Variants in FASTKD1 observed in about 807,000 individuals in gnomAD.
FASTKD1 encodes the protein FAST kinase domains 1.
A neutral mutation model predicts 90.9 loss-of-function variants in FASTKD1; 94 were observed. The ratio of observed to expected loss-of-function variants is 1.03; its 90% CI spans 0.88 to 1.23. The LOEUF is 1.23. Ranked by LOEUF, FASTKD1 falls within the 50% of genes most tolerant of loss-of-function variation. FASTKD1 has a pLI of 0.00. For missense variants in FASTKD1, 945 were observed against 993.5 expected, an observed-to-expected ratio of 0.95 and a Z score of 0.66; for synonymous variants, 319 against 345.8, an observed-to-expected ratio of 0.92 and a Z score of 0.86.
At position 169,537,284 on chromosome 2, in the gene FASTKD1, G is replaced by A. The variant is rs748942515; in HGVS notation, c.2131C>T (p.Leu711=). 1 of 1,613,260 alleles carries A rather than the reference G, an allele frequency of 6.2e-7. No homozygotes were observed. Among genetic ancestry groups the A allele is most frequent in the East Asian group, 2.2e-5 (1 of 44,832 alleles). The change falls in exon 12 of 15, where the codon CTA becomes TTA. Residue 711 remains leucine (L), a synonymous_variant. Transcript: ENST00000453153. ...QQIFKMLAEV[L]GGINCVKASV... is the part of the protein sequence containing the mutation. ...GCTTTTACACAATTGATTCCTCCTA[G>A]TACCTCTGCTAACATTTTAAAAATC... is the stretch of plus-strand genomic sequence containing the variant.
At chr2:169,542,953 T>G (rs1373150727) in intron 9 of FASTKD1, among the ~76,000 whole-genome samples, 2 of 152,190 alleles carry the variant, frequency 1.3e-5, no homozygotes, top group African/African-American at 4.8e-5. Context: ...TACAAGTTAT[T>G]TTTGCTGCAA....
intron 14 of FASTKD1, 44 bp downstream of exon 14, chr2:169,530,543 G>T: frequency 1.8e-6 from 2 of 1,090,484 alleles, no homozygotes; most frequent in East Asian, 2.4e-5. Context: ...TACAGCTAGT[G>T]TCTCTGGGCT....
chr2:169,557,486 G>C (rs1342229982), intron 5 of FASTKD1, among the ~76,000 whole-genome samples, 189 bp from the exon 6 acceptor site: 1 of 152,000 alleles, frequency 6.6e-6, no homozygotes, highest in African/African-American at 2.4e-5. Context: ...AAAATATATT[G>C]TCTTCTTCAA....
intron 4 of FASTKD1, among the ~76,000 whole-genome samples, chr2:169,562,526 C>T (rs1012641100): frequency 6.6e-6 from 1 of 152,048 alleles, no homozygotes; most frequent in African/African-American, 2.4e-5. Flanking sequence ...ATCCACCATG[C>T]CTGGCCAATG....
chr2:169,549,562 T>G (rs1046021829), intron 7 of FASTKD1, among the ~76,000 whole-genome samples: 22 of 152,238 alleles, frequency 1.4e-4, no homozygotes, highest in African/African-American at 5.1e-4. Context: ...CCTCCTGGGC[T>G]CAAGTACTCC....
intron 7 of FASTKD1, among the ~76,000 whole-genome samples, chr2:169,549,638 G>GT (rs941341555): frequency 7.9e-5 from 12 of 151,628 alleles, no homozygotes; most frequent in African/African-American, 2.9e-4. Context: ...CTAATTTTTT[G>GT]TTTTTTGTTG....
In FASTKD1 at chr2:169,537,284, G is replaced by C. The variant is rs748942515; in HGVS notation, c.2131C>G (p.Leu711Val). Residue 711 changes from leucine (L) to valine (V), a missense_variant, in exon 12 of 15, where the codon CTA becomes GTA. Physicochemically the swap from Leu to Val is conservative, Grantham distance 32. Transcript: ENST00000453153. Reference sequence around the variant, plus strand: ...GCTTTTACACAATTGATTCCTCCTAGTACCTCTGCTAACATTTTAAAAATC... The same window carrying C: ...GCTTTTACACAATTGATTCCTCCTACTACCTCTGCTAACATTTTAAAAATC... ...QQIFKMLAEV[L>V]GGINCVKASV... 1 of 1,613,260 alleles carries C rather than the reference G, an allele frequency of 6.2e-7. No individual in the cohort carries two copies. Among genetic ancestry groups the C allele is most frequent in the South Asian group, 1.1e-5 (1 of 91,038 alleles).
At chr2:169,543,307 T>C (rs1574377472) in intron 9 of FASTKD1, among the ~76,000 whole-genome samples, 2 of 151,900 alleles carry the variant, frequency 1.3e-5, no homozygotes, top group Admixed American at 1.3e-4. Context: ...CTACTAAAAA[T>C]ACAAAATTAG....
intron 12 of FASTKD1, 120 bp from the exon 13 acceptor site, chr2:169,531,610 T>C: frequency 1.3e-6 from 1 of 746,584 alleles, no homozygotes. Context: ...CACAAAAGAA[T>C]GACGAACCTC....
intron 7 of FASTKD1, among the ~76,000 whole-genome samples, chr2:169,547,566 A>T (rs908012898): frequency 6.6e-6 from 1 of 152,168 alleles, no homozygotes; most frequent in African/African-American, 2.4e-5. Flanking sequence ...CAATATATAT[A>T]ACATCACAGG....
intron 7 of FASTKD1, among the ~76,000 whole-genome samples, chr2:169,553,656 G>A (rs925142962): frequency 3.3e-5 from 5 of 152,104 alleles, no homozygotes; most frequent in African/African-American, 4.8e-5. Flanking sequence ...AGTGGCTCAC[G>A]CCTGTAATCC....
At position 169,532,842 on chromosome 2, in the gene FASTKD1, A is replaced by C. The variant is rs145492841; in HGVS notation, c.2189-1352T>G. ...AAGCAAAGGTATAGGGGTGCAGTGC[A>C]TGAGACGTATGAGGAATAGGTTCCA... is the stretch of plus-strand genomic sequence containing the variant. On this transcript the variant is annotated intron_variant, in intron 12 of 14. Transcript: ENST00000453153. Among the ~76,000 whole-genome samples, 515 of 152,326 alleles carry C rather than the reference A, an allele frequency of 3.4e-3. 3 individuals carry two copies. The highest frequency in any genetic ancestry group is 0.012 in the African/African-American group (497 of 41,570).
intron 9 of FASTKD1, among the ~76,000 whole-genome samples, chr2:169,540,836 A>AGAGTG (rs1337792975): frequency 6.6e-6 from 1 of 152,210 alleles, no homozygotes; most frequent in Admixed American, 6.5e-5. Context: ...ATCTCCAAGC[A>AGAGTG]GAGTGTACAC....
intron 4 of FASTKD1, among the ~76,000 whole-genome samples, chr2:169,562,195 G>GTTGT (rs2105421144): frequency 6.8e-6 from 1 of 147,728 alleles, no homozygotes; most frequent in Non-Finnish European, 1.5e-5. Context: ...GGATTTTGTT[G>GTTGT]TTGTTGTTTC....
intron 2 of FASTKD1, among the ~76,000 whole-genome samples, chr2:169,570,839 C>A (rs1684202115): frequency 1.3e-5 from 2 of 152,054 alleles, no homozygotes; most frequent in South Asian, 4.1e-4. Flanking sequence ...TCACGCCCAG[C>A]TAATTTTTGT....
intron 6 of FASTKD1, among the ~76,000 whole-genome samples, chr2:169,556,023 A>G (rs941315058): frequency 1.3e-5 from 2 of 152,174 alleles, no homozygotes; most frequent in Admixed American, 1.3e-4. Flanking sequence ...AAAAATTTTA[A>G]AACTAAGAAA....
rs535424286 is a variant in FASTKD1 at position 169,531,018 on chromosome 2, A to T, written c.2328-317T>A. 7.4e-5 allele frequency: 49 copies of T among 663,886 alleles called. No individual in the cohort carries two copies. The East Asian group carries it at 1.1e-3, about 14-fold the overall frequency. 41.1% of individuals were successfully genotyped at this position (663,886 alleles called of 1,614,324 possible). A position where few individuals can be genotyped will look rare whatever the true frequency, so the allele number is the denominator to read the frequency against. The stretch of plus-strand genomic sequence containing the variant: ...CAGCTTATAGTCTAACAGAGAACAC[A>T]TGATGTATAGTAAGTTACTGTAATG... On this transcript the variant is annotated intron_variant, in intron 13 of 14. Coordinates refer to ENST00000453153, the MANE Select transcript of FASTKD1 (RefSeq NM_024622.6).
chr2:169,557,092 C>T (rs780168555), intron 6 of FASTKD1, 95 bp downstream of exon 6: 21 of 772,088 alleles, frequency 2.7e-5, no homozygotes, highest in Non-Finnish European at 4.6e-5. Flanking sequence ...TTCAAAACAA[C>T]TGGTAGATTA....
intron 6 of FASTKD1, 47 bp from the exon 7 acceptor site, chr2:169,555,302 C>T (rs1277188053): frequency 6.6e-7 from 1 of 1,517,200 alleles, no homozygotes; most frequent in South Asian, 1.2e-5. Flanking sequence ...TCATTTATTA[C>T]ACATTTACTA....
Sources: gnomAD v4.1 joint callset for allele counts (sites outside exome capture counted in the v4.1 genomes callset) on GRCh38, gnomAD v4.1.1 for gene constraint, MANE v1.5 for transcripts, NCBI Gene and HGNC (gene_info 2026-07-23, HGNC 2026-07-21) for gene names.